BCAS1: variants seen among roughly 807,000 people sequenced by gnomAD.
BCAS1 encodes the protein breast carcinoma-amplified sequence 1.
A neutral mutation model predicts 65.4 loss-of-function variants in BCAS1; 46 were observed. The observed-to-expected ratio is 0.70, with a 90% CI of 0.55 to 0.90. The LOEUF is 0.90. Among genes scored for constraint, BCAS1 ranks in the 40% least tolerant of loss-of-function variants. BCAS1 has a pLI of 0.00. For missense variants in BCAS1, 793 were observed against 771.2 expected (o/e 1.03, Z -0.33); for synonymous variants, 298 against 293.5 (o/e 1.02, Z -0.16).
intron 8 of BCAS1, among the ~76,000 whole-genome samples, chr20:53,984,292 T>C (rs1423122208): frequency 6.6e-6 from 1 of 152,118 alleles, no homozygotes; most frequent in Non-Finnish European, 1.5e-5. Flanking sequence ...TAATGGTGGG[T>C]GATGAAGAAA....
intron 3 of BCAS1, among the ~76,000 whole-genome samples, chr20:54,049,626 A>C (rs1463514844): frequency 6.6e-6 from 1 of 151,772 alleles, no homozygotes; most frequent in Non-Finnish European, 1.5e-5. Flanking sequence ...GGCTGAACTC[A>C]AACTCCTGGA....
chr20:53,975,083 A>T (rs2090292422), intron 9 of BCAS1, among the ~76,000 whole-genome samples: 1 of 152,238 alleles, frequency 6.6e-6, no homozygotes, highest in South Asian at 2.1e-4. Flanking sequence ...GAGCATCATT[A>T]TCCCTCAAGG....
At chr20:53,981,578 C>T (rs1284779654) in intron 8 of BCAS1, among the ~76,000 whole-genome samples, 7 of 147,658 alleles carry the variant, frequency 4.7e-5, no homozygotes, top group Admixed American at 6.8e-5. Flanking sequence ...CCAATAAACA[C>T]GAAAGATAGA....
chr20:53,967,259 A>G (rs568685237), intron 9 of BCAS1, among the ~76,000 whole-genome samples, 186 bp from the exon 10 acceptor site: 3 of 152,292 alleles, frequency 2.0e-5, no homozygotes, highest in African/African-American at 7.2e-5. Flanking sequence ...CCAATTTCCA[A>G]GCTCAACTGC....
At chr20:53,993,500 A>C (rs937679914) in intron 6 of BCAS1, among the ~76,000 whole-genome samples, 3 of 152,164 alleles carry the variant, frequency 2.0e-5, no homozygotes, top group African/African-American at 7.2e-5. Context: ...ATGTGACCCC[A>C]CAGCTTCCTG....
intron 8 of BCAS1, among the ~76,000 whole-genome samples, chr20:53,980,488 T>C (rs1486865729): frequency 2.6e-5 from 4 of 152,252 alleles, no homozygotes; most frequent in East Asian, 1.9e-4. Context: ...ACCCACATTA[T>C]AGGGCCACTC....
At chr20:54,034,260 A>G (rs984575547) in intron 3 of BCAS1, among the ~76,000 whole-genome samples, 20 of 151,336 alleles carry the variant, frequency 1.3e-4, no homozygotes, top group Non-Finnish European at 1.9e-4. Context: ...CCTATTCAAC[A>G]TAGTATTGGA....
chr20:54,027,626 T>A (rs948915901), intron 4 of BCAS1, among the ~76,000 whole-genome samples: 1 of 152,190 alleles, frequency 6.6e-6, no homozygotes, highest in Non-Finnish European at 1.5e-5. Flanking sequence ...AAGTTTTACT[T>A]CCTTCTTCTT....
At chr20:53,954,398 T>A (rs1416590987) in intron 11 of BCAS1, among the ~76,000 whole-genome samples, 2 of 151,862 alleles carry the variant, frequency 1.3e-5, no homozygotes, top group Non-Finnish European at 2.9e-5. Flanking sequence ...AGCCCTTTTA[T>A]GCTTAAGCCA....
At chr20:54,008,920 TCTC>T (rs1337183300) in intron 4 of BCAS1, among the ~76,000 whole-genome samples, 1 of 151,998 alleles carries the variant, frequency 6.6e-6, no homozygotes, top group African/African-American at 2.4e-5. Flanking sequence ...TTCAAGCAAT[TCTC>T]CTGCCTCAGC....
At chr20:54,051,419 G>A (rs552875967) in intron 3 of BCAS1, among the ~76,000 whole-genome samples, 1 of 152,278 alleles carries the variant, frequency 6.6e-6, no homozygotes, top group East Asian at 1.9e-4. Context: ...ATGTATTGGG[G>A]GGAGGTGAAG....
In BCAS1 at chr20:54,028,564, G is replaced by A. The variant is rs199762337; in HGVS notation, c.551C>T (p.Ala184Val). 52 of 1,614,086 alleles carry A rather than the reference G, an allele frequency of 3.2e-5. No individual in the cohort carries two copies. Among genetic ancestry groups the A allele is most frequent in the Non-Finnish European group, 4.2e-5 (50 of 1,180,046 alleles). The change falls in exon 4 of 13, where the codon GCT (alanine) becomes GTT (valine). Residue 184 changes from alanine (A) to valine (V), a missense_variant. Coordinates refer to ENST00000688948, the MANE Select transcript of BCAS1 (RefSeq NM_001366298.2). ...GCTGGAGTCCTTGGGCTTGGAGGGA[G>A]CTTCTCCTCCTGCTCCCCCTGTCTC... Reference protein sequence around the residue: ...PPETGGAGGEAPSKPKDSSFF... With the variant: ...PPETGGAGGEVPSKPKDSSFF...
chr20:53,953,133 G>A (rs896877794), intron 12 of BCAS1, among the ~76,000 whole-genome samples: 3 of 152,186 alleles, frequency 2.0e-5, no homozygotes, highest in African/African-American at 4.8e-5. Context: ...CTCAGGCACT[G>A]TGCTAGGTGA....
chr20:53,996,843 C>T (rs6022904), intron 4 of BCAS1, among the ~76,000 whole-genome samples: 19,080 of 152,182 alleles, frequency 0.13, 2,586 homozygotes, highest in African/African-American at 0.34. Context: ...GGATCTCCAA[C>T]GTCTAACATG....
chr20:54,002,010 GC>G (rs1419164088), intron 4 of BCAS1, among the ~76,000 whole-genome samples: 3 of 151,094 alleles, frequency 2.0e-5, no homozygotes. Flanking sequence ...ACTCTCTCTG[GC>G]CCTGTGTAAA....
chr20:53,947,456 G>C (rs1278232912), intron 12 of BCAS1, among the ~76,000 whole-genome samples: 2 of 152,178 alleles, frequency 1.3e-5, no homozygotes, highest in Non-Finnish European at 2.9e-5. Context: ...GGAGTCAGCT[G>C]TGGGTTTGGG....
chr20:54,055,902 C>A (rs1273136440), intron 3 of BCAS1, among the ~76,000 whole-genome samples: 1 of 151,876 alleles, frequency 6.6e-6, no homozygotes, highest in African/African-American at 2.4e-5. Context: ...CATGGATGAA[C>A]CTGGAGGACT....
Position 54,041,908 on chromosome 20 carries a change from CCAAA to C in BCAS1, c.143-12940_143-12937del, listed in dbSNP as rs1404055996. Among the ~76,000 whole-genome samples, 77 of 67,356 alleles carry C rather than the reference CCAAA, an allele frequency of 1.1e-3. 2 individuals are homozygous for C. The highest frequency in any genetic ancestry group is 3.8e-3 in the African/African-American group (70 of 18,640). 44.2% of individuals were successfully genotyped at this position (67,356 alleles called of 152,430 possible). ...AGTTCAGAGTGAGACTCTGTCTCCC[CCAAA>C]AAAAAAAAAAAAAAAAAAAGAACAG... On this transcript the variant is annotated intron_variant, in intron 3 of 12. Transcript: ENST00000688948.
At chr20:54,018,328 G>A (rs898617865) in intron 4 of BCAS1, among the ~76,000 whole-genome samples, 2 of 152,044 alleles carry the variant, frequency 1.3e-5, no homozygotes, top group East Asian at 1.9e-4. Flanking sequence ...TACCTGCTGG[G>A]GAATCTAAAA....
Sources: gnomAD v4.1 joint callset for allele counts (sites outside exome capture counted in the v4.1 genomes callset) on GRCh38, gnomAD v4.1.1 for gene constraint, MANE v1.5 for transcripts, NCBI Gene and HGNC (gene_info 2026-07-23, HGNC 2026-07-21) for gene names.